DUSP16: variants seen among roughly 807,000 people sequenced by gnomAD.
DUSP16 encodes the protein dual specificity phosphatase 16.
Under a neutral mutation model 58.3 loss-of-function variants are expected in DUSP16, and 21 were observed. The ratio of observed to expected loss-of-function variants is 0.36; its 90% CI spans 0.26 to 0.52. The LOEUF (loss-of-function observed/expected upper bound fraction) is 0.52, where lower values mean the gene tolerates loss of function less well. Ranked by LOEUF, DUSP16 falls within the 20% of genes least tolerant of loss-of-function variation. DUSP16 has a pLI of 0.94. For missense variants in DUSP16, 726 were observed against 819.0 expected (o/e 0.89, Z 1.39); for synonymous variants, 320 against 323.8 (o/e 0.99, Z 0.12).
chr12:12,538,406 G>A (rs777830759), intron 1 of DUSP16, among the ~76,000 whole-genome samples: 4 of 152,278 alleles, frequency 2.6e-5, no homozygotes, highest in Non-Finnish European at 4.4e-5. Context: ...TTAGTCTAGT[G>A]CATGTCTTCT....
chr12:12,513,578 C>T (rs993774837), intron 3 of DUSP16, among the ~76,000 whole-genome samples: 10 of 152,128 alleles, frequency 6.6e-5, no homozygotes, highest in African/African-American at 2.4e-4. Context: ...AATGAAAGGG[C>T]TGAAGTCTGT....
chr12:12,492,325 C>T (rs12426367), intron 4 of DUSP16, among the ~76,000 whole-genome samples: 68,541 of 151,754 alleles, frequency 0.45, 16,034 homozygotes, highest in East Asian at 0.7. Context: ...AATGGAAAAA[C>T]TGAAACAGTC....
chr12:12,553,962 C>T (rs1465896448), intron 1 of DUSP16, among the ~76,000 whole-genome samples: 4 of 152,080 alleles, frequency 2.6e-5, no homozygotes, highest in African/African-American at 9.7e-5. Context: ...CTTTGAGAGG[C>T]CAAGACAAGC....
intron 4 of DUSP16, among the ~76,000 whole-genome samples, chr12:12,492,788 C>A (rs1049020211): frequency 6.6e-6 from 1 of 152,116 alleles, no homozygotes; most frequent in Non-Finnish European, 1.5e-5. Context: ...AGTCATGTTG[C>A]TAAATCCAAT....
intron 1 of DUSP16, among the ~76,000 whole-genome samples, chr12:12,541,919 T>C (rs185753958): frequency 1.5e-3 from 188 of 124,564 alleles, no homozygotes; most frequent in Middle Eastern, 0.011. Context: ...AACTGATGAA[T>C]AGATAAACAA....
chr12:12,542,212 A>G lies in DUSP16; in HGVS notation c.-366+19905T>C, dbSNP rs11835684. On this transcript the variant is annotated intron_variant, in intron 1 of 6. Coordinates refer to ENST00000298573, the MANE Select transcript of DUSP16 (RefSeq NM_030640.3). Reference sequence around the variant, plus strand: ...ACCATGGAGAAATCCCGTCTCTACTACAAATACAAAATTACCCGGGCGTGG... The same window carrying G: ...ACCATGGAGAAATCCCGTCTCTACTGCAAATACAAAATTACCCGGGCGTGG... Among the ~76,000 whole-genome samples the G allele has an allele frequency of 8.4e-3, 1,276 of 152,142 alleles. 20 individuals carry two copies. The highest frequency in any genetic ancestry group is 0.029 in the African/African-American group (1,206 of 41,494).
In DUSP16 at chr12:12,477,196, G is replaced by A; in HGVS notation, c.1635C>T (p.Ala545=). ...GLKGWHSDIL[A]PQTSTPSLTS... The stretch of plus-strand genomic sequence containing the variant: ...TCAGGGAAGGGGTAGAGGTCTGGGG[G>A]GCCAAGATATCCGAGTGCCAGCCCT... Residue 545 remains alanine, a synonymous_variant, in exon 7 of 7, where the codon GCC becomes GCT. Transcript: ENST00000298573. This position sits in a 1 kb window ranked among gnomAD's most constrained non-coding sequence, Gnocchi z 4.1. The A allele has an allele frequency of 1.2e-6, 2 of 1,614,180 alleles. No individual in the cohort carries two copies. The highest frequency in any genetic ancestry group is 1.6e-4 in the Middle Eastern group (1 of 6,062).
chr12:12,478,095 A>G, intron 6 of DUSP16, 80 bp from the exon 7 acceptor site: 2 of 1,253,846 alleles, frequency 1.6e-6, no homozygotes, highest in Non-Finnish European at 2.2e-6. Context: ...TAAATGAGAT[A>G]GGGAATTATC....
intron 3 of DUSP16, among the ~76,000 whole-genome samples, chr12:12,509,383 C>A (rs887224034): frequency 2.6e-5 from 4 of 151,810 alleles, no homozygotes; most frequent in Admixed American, 2.6e-4. Flanking sequence ...CCAGGATCAA[C>A]AAAATACATT....
intron 1 of DUSP16, among the ~76,000 whole-genome samples, chr12:12,549,371 C>G (rs922414517): frequency 2.6e-5 from 4 of 152,118 alleles, no homozygotes; most frequent in South Asian, 4.1e-4. Context: ...CACCCACCCC[C>G]GCACTTCCCT....
At chr12:12,495,236 C>CAAAA (rs10555943) in intron 4 of DUSP16, among the ~76,000 whole-genome samples, 5 of 98,922 alleles carry the variant, frequency 5.1e-5, no homozygotes, top group African/African-American at 1.2e-4. Context: ...AAAGCCATTA[C>CAAAA]AAAAAAAAAA....
chr12:12,504,832 G>A (rs113431796), intron 3 of DUSP16, among the ~76,000 whole-genome samples: 49 of 151,994 alleles, frequency 3.2e-4, no homozygotes, highest in Admixed American at 1.1e-3. Flanking sequence ...AGCTGTGATC[G>A]CACCACTGCA....
intron 1 of DUSP16, among the ~76,000 whole-genome samples, chr12:12,548,168 A>C (rs1175762702): frequency 2.0e-5 from 3 of 151,414 alleles, no homozygotes; most frequent in Non-Finnish European, 2.9e-5. Context: ...TCAACAACAA[A>C]AAACTCAAAT....
At chr12:12,478,866 G>A (rs1279645419) in intron 6 of DUSP16, among the ~76,000 whole-genome samples, 2 of 152,214 alleles carry the variant, frequency 1.3e-5, no homozygotes. Context: ...TAGTCAACAT[G>A]ACAGACTAAC....
At chr12:12,545,579 G>A (rs918876848) in intron 1 of DUSP16, among the ~76,000 whole-genome samples, 1 of 151,954 alleles carries the variant, frequency 6.6e-6, no homozygotes. Context: ...AACACGCCTG[G>A]CCACTACATT....
chr12:12,523,506 C>A (rs1430906169), intron 1 of DUSP16, among the ~76,000 whole-genome samples: 2 of 152,218 alleles, frequency 1.3e-5, no homozygotes, highest in Non-Finnish European at 2.9e-5. Flanking sequence ...CTCAACCACA[C>A]CATATTTTAC....
intron 5 of DUSP16, among the ~76,000 whole-genome samples, chr12:12,486,602 A>G (rs1943688875): frequency 6.6e-6 from 1 of 152,122 alleles, no homozygotes; most frequent in Admixed American, 6.5e-5. Flanking sequence ...ACTTAAATGT[A>G]ATGGGATTTG....
intron 3 of DUSP16, among the ~76,000 whole-genome samples, chr12:12,507,889 G>A (rs1944022175): frequency 1.3e-5 from 2 of 152,246 alleles, no homozygotes; most frequent in Non-Finnish European, 2.9e-5. Context: ...GATTACAGGC[G>A]TGAGCCACCG....
At chr12:12,485,508 C>G (rs1291214654) in intron 5 of DUSP16, 1 of 152,036 alleles carries the variant, frequency 6.6e-6, no homozygotes, top group East Asian at 1.9e-4. Flanking sequence ...GCTTAATATA[C>G]ATAATTCCAC....
Sources: allele counts gnomAD v4.1 joint callset (sites outside exome capture counted in the v4.1 genomes callset), GRCh38; gene constraint gnomAD v4.1.1; non-coding constraint Gnocchi (gnomAD v3.1); transcripts MANE v1.5; gene names NCBI Gene and HGNC (gene_info 2026-07-23, HGNC 2026-07-21).